Variants in FAM177A1 observed in about 807,000 individuals in gnomAD.
FAM177A1 encodes the protein protein FAM177A1.
Under a neutral mutation model 26.1 loss-of-function variants are expected in FAM177A1, and 22 were observed. The ratio of observed to expected loss-of-function variants is 0.84; its 90% CI spans 0.60 to 1.20. FAM177A1 has a LOEUF of 1.20. Among genes scored for constraint, FAM177A1 ranks in the 50% most tolerant of loss-of-function variants. The pLI is 0.00. For missense variants in FAM177A1, 296 were observed against 291.1 expected (o/e 1.02, Z -0.12); for synonymous variants, 95 against 99.3 (o/e 0.96, Z 0.26).
intron 2 of FAM177A1, among the ~76,000 whole-genome samples, chr14:35,055,851 C>CT (rs1293810668): frequency 6.6e-6 from 1 of 152,052 alleles, no homozygotes; most frequent in Non-Finnish European, 1.5e-5. Flanking sequence ...TACTATGTGT[C>CT]TTTTTATTTT....
intron 1 of FAM177A1, 166 bp from the exon 2 acceptor site, chr14:35,053,112 C>T: frequency 3.3e-6 from 2 of 610,584 alleles, no homozygotes; most frequent in Non-Finnish European, 5.6e-6. Flanking sequence ...AGTCTTGACA[C>T]TGTACTCCAG....
At chr14:35,050,017 T>A (rs2044938211) in intron 1 of FAM177A1, 1 of 152,080 alleles carries the variant, frequency 6.6e-6, no homozygotes, top group Non-Finnish European at 1.5e-5. Flanking sequence ...GTAACTTTTT[T>A]TGTTTTTTGA....
intron 1 of FAM177A1, among the ~76,000 whole-genome samples, chr14:35,048,300 A>G (rs2044907130): frequency 6.6e-6 from 1 of 152,134 alleles, no homozygotes; most frequent in African/African-American, 2.4e-5. Context: ...AGCAAAGTAA[A>G]CACACGTGTA....
chr14:35,049,096 G>A (rs904006261), intron 1 of FAM177A1, among the ~76,000 whole-genome samples: 1 of 151,908 alleles, frequency 6.6e-6, no homozygotes, highest in African/African-American at 2.4e-5. Flanking sequence ...TCACCATCTT[G>A]GTCAGGCTGG....
upstream of FAM177A1, among the ~76,000 whole-genome samples, chr14:35,045,535 A>G (rs2044847310): frequency 6.6e-6 from 1 of 152,212 alleles, no homozygotes; most frequent in African/African-American, 2.4e-5. Context: ...TAAAGTATCA[A>G]ATGAAGCCTC....
chr14:35,064,817 A>G (rs960066705), intron 2 of FAM177A1, among the ~76,000 whole-genome samples: 12 of 151,870 alleles, frequency 7.9e-5, no homozygotes, highest in African/African-American at 2.9e-4. Flanking sequence ...ATGACCAGCT[A>G]ATTTTTTTGT....
chr14:35,072,765 C>T (rs1424311034), intron 2 of FAM177A1, among the ~76,000 whole-genome samples: 1 of 152,122 alleles, frequency 6.6e-6, no homozygotes, highest in African/African-American at 2.4e-5. Context: ...CTCTATCAAG[C>T]CATTTTCTGT....
rs11555796 is a variant in FAM177A1 at position 35,082,520 on chromosome 14, A to T, written c.*1292A>T. 9 of 150,698 alleles carry T rather than the reference A, an allele frequency of 6.0e-5. No individual in the cohort carries two copies. Among genetic ancestry groups the T allele is most frequent in the African/African-American group, 2.2e-4 (9 of 40,264 alleles). The allele number at this position is 150,698 out of a possible 1,614,324, so 9.3% of individuals were successfully genotyped here. A position where few individuals can be genotyped will look rare whatever the true frequency, so the allele number is the denominator to read the frequency against. ...AGAGTGAGACTCCATCTTGGGGGGA[A>T]AAAAGTATATATATATACACACACA... On this transcript the variant is annotated 3_prime_UTR_variant, in exon 5 of 5. Transcript: ENST00000280987.
chr14:35,080,115 C>T (rs1256744652), intron 4 of FAM177A1, among the ~76,000 whole-genome samples: 1 of 151,810 alleles, frequency 6.6e-6, no homozygotes, highest in Non-Finnish European at 1.5e-5. Flanking sequence ...TACTGACTAC[C>T]CGTTCTGCAG....
chr14:35,056,111 T>C (rs776033485), intron 2 of FAM177A1, among the ~76,000 whole-genome samples: 2 of 152,074 alleles, frequency 1.3e-5, no homozygotes, highest in Non-Finnish European at 2.9e-5. Flanking sequence ...CTTAGCTTAC[T>C]GCAACCTCTG....
chr14:35,048,505 T>TA (rs2044911133), intron 1 of FAM177A1, among the ~76,000 whole-genome samples: 1 of 151,248 alleles, frequency 6.6e-6, no homozygotes, highest in African/African-American at 2.4e-5. Flanking sequence ...AAGGTAACTA[T>TA]TAAGTTTTGG....
chr14:35,049,655 C>T (rs2044931991), intron 1 of FAM177A1, among the ~76,000 whole-genome samples: 1 of 152,068 alleles, frequency 6.6e-6, no homozygotes, highest in Non-Finnish European at 1.5e-5. Context: ...CATTATGGCT[C>T]ACGCCTGTAG....
At chr14:35,052,244 G>GT (rs1349815368) in intron 1 of FAM177A1, among the ~76,000 whole-genome samples, 1 of 151,562 alleles carries the variant, frequency 6.6e-6, no homozygotes, top group Non-Finnish European at 1.5e-5. Context: ...ACTTCAGGCA[G>GT]TTTTCTTTTT....
upstream of FAM177A1, chr14:35,044,909 G>T (rs1443244144): frequency 6.7e-6 from 1 of 148,780 alleles, no homozygotes. Context: ...AAAAGAAAAA[G>T]AAAATTGTAA....
At chr14:35,047,382 T>C (rs2044884745) in intron 1 of FAM177A1, among the ~76,000 whole-genome samples, 1 of 152,218 alleles carries the variant, frequency 6.6e-6, no homozygotes, top group African/African-American at 2.4e-5. Context: ...CATATCGCAG[T>C]TCTGGCTGAC....
At chr14:35,074,538 C>T (rs1466802169) in intron 2 of FAM177A1, among the ~76,000 whole-genome samples, 1 of 151,742 alleles carries the variant, frequency 6.6e-6, no homozygotes, top group Non-Finnish European at 1.5e-5. Context: ...GTTGGTCAGG[C>T]TGGTCTTGAG....
At chr14:35,063,488 G>A (rs958330677) in intron 2 of FAM177A1, among the ~76,000 whole-genome samples, 1 of 151,648 alleles carries the variant, frequency 6.6e-6, no homozygotes, top group African/African-American at 2.4e-5. Flanking sequence ...TGAGGCAGGA[G>A]AATCGCTTGA....
chr14:35,058,136 C>T (rs963420965), intron 2 of FAM177A1, among the ~76,000 whole-genome samples: 7 of 151,874 alleles, frequency 4.6e-5, no homozygotes, highest in Admixed American at 3.3e-4. Context: ...TGCAGTGACA[C>T]GATTTCAGCT....
intron 1 of FAM177A1, among the ~76,000 whole-genome samples, chr14:35,052,047 G>A (rs950062025): frequency 2.0e-5 from 3 of 152,104 alleles, no homozygotes; most frequent in Non-Finnish European, 4.4e-5. Flanking sequence ...AGAATTCTAC[G>A]AACATAGACT....
Sources: gnomAD v4.1 joint callset for allele counts (sites outside exome capture counted in the v4.1 genomes callset) on GRCh38, gnomAD v4.1.1 for gene constraint, MANE v1.5 for transcripts, NCBI Gene and HGNC (gene_info 2026-07-23, HGNC 2026-07-21) for gene names.